Variants in NAALAD2 observed in about 807,000 individuals in gnomAD.
The protein encoded by NAALAD2 is N-acetylated-alpha-linked acidic dipeptidase 2.
NAALAD2 carries 89 observed loss-of-function variants against 95.6 expected under a neutral mutation model. That is an observed-to-expected ratio of 0.93 (90% CI 0.78 to 1.11). NAALAD2 has a LOEUF of 1.11. Ranked by LOEUF, NAALAD2 falls within the 50% of genes least tolerant of loss-of-function variation. The pLI is 0.00. For missense variants in NAALAD2, 894 were observed against 872.4 expected (o/e 1.02, Z -0.31); for synonymous variants, 264 against 294.4 (o/e 0.90, Z 1.06).
chr11:90,166,618 G>A (rs973470764), intron 11 of NAALAD2, among the ~76,000 whole-genome samples: 2 of 151,752 alleles, frequency 1.3e-5, no homozygotes, highest in Non-Finnish European at 2.9e-5. Flanking sequence ...GGCGGATCAC[G>A]AGGTCAGGAG....
chr11:90,147,569 G>A, intron 3 of NAALAD2, 53 bp downstream of exon 3: 1 of 1,466,074 alleles, frequency 6.8e-7, no homozygotes, highest in Non-Finnish European at 9.3e-7. Flanking sequence ...CGTTTTATGT[G>A]GATTGTAATG....
chr11:90,167,058 G>A (rs1952476840), intron 11 of NAALAD2, among the ~76,000 whole-genome samples: 1 of 152,202 alleles, frequency 6.6e-6, no homozygotes. Context: ...CTCGCTCTCG[G>A]CGCCTCCTCG....
chr11:90,184,638 A>C (rs1471217336), intron 18 of NAALAD2, among the ~76,000 whole-genome samples: 1 of 151,808 alleles, frequency 6.6e-6, no homozygotes, highest in East Asian at 1.9e-4. Flanking sequence ...TATTTTAAAA[A>C]CTCAGGCTCT....
chr11:90,159,076 A>G (rs1445387883), intron 7 of NAALAD2, 163 bp from the exon 8 acceptor site: 36 of 616,746 alleles, frequency 5.8e-5, no homozygotes, highest in Non-Finnish European at 9.4e-5. Flanking sequence ...CTCTCTTGCT[A>G]GAAAATAAGC....
intron 17 of NAALAD2, among the ~76,000 whole-genome samples, chr11:90,182,689 T>C (rs1159569235): frequency 3.3e-5 from 5 of 152,066 alleles, no homozygotes; most frequent in Non-Finnish European, 1.5e-5. Context: ...TGTAAAAAAA[T>C]ATAACAAACG....
chr11:90,192,279 T>C lies in NAALAD2; in HGVS notation c.*532T>C, dbSNP rs1421432593. On this transcript the variant is annotated 3_prime_UTR_variant, in exon 19 of 19. Coordinates refer to ENST00000534061, the MANE Select transcript of NAALAD2 (RefSeq NM_005467.4). The stretch of plus-strand genomic sequence containing the variant: ...GGTATCCATTACACAATAGACTACT[T>C]ACTACTCAGCAATAAAAATGAAGTA... 6.6e-6 allele frequency: 1 copy of C among 152,030 alleles called. No individual in the cohort carries two copies. The highest frequency in any genetic ancestry group is 1.5e-5 in the Non-Finnish European group (1 of 67,908). The allele number at this position is 152,030 out of a possible 1,614,324, so 9.4% of individuals were successfully genotyped here.
chr11:90,140,765 G>A (rs184210112), intron 2 of NAALAD2, among the ~76,000 whole-genome samples: 2 of 151,630 alleles, frequency 1.3e-5, no homozygotes, highest in African/African-American at 2.4e-5. Context: ...CATGCTTTTG[G>A]GTTCATATCT....
At chr11:90,159,027 C>G (rs1952204520) in intron 7 of NAALAD2, 1 of 522,202 alleles carries the variant, frequency 1.9e-6, no homozygotes, top group African/African-American at 1.9e-5. Context: ...GCTCTCATCA[C>G]TAACATATTA....
At chr11:90,154,218 T>G (rs925258218) in intron 6 of NAALAD2, among the ~76,000 whole-genome samples, 1 of 152,004 alleles carries the variant, frequency 6.6e-6, no homozygotes, top group African/African-American at 2.4e-5. Context: ...TACTTGCTTT[T>G]TATTTCTGTT....
chr11:90,180,972 A>G (rs1222764697), intron 16 of NAALAD2, among the ~76,000 whole-genome samples: 1 of 152,120 alleles, frequency 6.6e-6, no homozygotes, highest in East Asian at 1.9e-4. Flanking sequence ...TGTAGGTAAC[A>G]GGCAAATACT....
rs756449985 is a variant in NAALAD2 at position 90,149,013 on chromosome 11, A to G, written c.389A>G (p.Lys130Arg). The stretch of plus-strand genomic sequence containing the variant: ...TATTTTAATTCTTGCTAGATTTTCA[A>G]AACATCATACCTTGAACCACCACCA... ...IVDEHETEIF[K>R]TSYLEPPPDG... The change falls in exon 4 of 19, where the codon AAA becomes AGA. Residue 130 changes from lysine to arginine, a missense_variant. By Grantham distance (26) the Lys-to-Arg change is conservative. Coordinates refer to ENST00000534061, the MANE Select transcript of NAALAD2 (RefSeq NM_005467.4). 6.3e-6 allele frequency: 10 copies of G among 1,583,794 alleles called. No individual in the cohort carries two copies. The highest frequency in any genetic ancestry group is 6.9e-6 in the Non-Finnish European group (8 of 1,164,596).
rs1857366402 is a variant in NAALAD2, at chr11:90,192,665, G to A, written c.*918G>A. 6.6e-6 allele frequency: 1 copy of A among 152,124 alleles called. No individual in the cohort carries two copies. Among genetic ancestry groups the A allele is most frequent in the East Asian group, 1.9e-4 (1 of 5,192 alleles). 9.4% of individuals were successfully genotyped at this position (152,124 alleles called of 1,614,324 possible). A position where few individuals can be genotyped will look rare whatever the true frequency, so the allele number is the denominator to read the frequency against. Reference sequence around the variant, plus strand: ...TTCTCTTGTGAAATCACCATGAAGTGTGAATGGTCAGGAAAAAGCCAGTAA... The same window carrying A: ...TTCTCTTGTGAAATCACCATGAAGTATGAATGGTCAGGAAAAAGCCAGTAA... On this transcript the variant is annotated 3_prime_UTR_variant, in exon 19 of 19. Coordinates refer to ENST00000534061, the MANE Select transcript of NAALAD2 (RefSeq NM_005467.4).
At chr11:90,189,975 C>T (rs1164356941) in intron 18 of NAALAD2, among the ~76,000 whole-genome samples, 3 of 152,026 alleles carry the variant, frequency 2.0e-5, no homozygotes, top group Non-Finnish European at 4.4e-5. Context: ...GAGAACTAGA[C>T]CAGAGTTTGA....
chr11:90,172,068 T>C (rs507850), intron 13 of NAALAD2, among the ~76,000 whole-genome samples: 146,924 of 152,262 alleles, frequency 0.96, 70,950 homozygotes, highest in East Asian at 1. Flanking sequence ...ATTGGCACTA[T>C]TATGGAGACA....
intron 12 of NAALAD2, 142 bp downstream of exon 12, chr11:90,169,134 T>G: frequency 1.8e-6 from 1 of 547,966 alleles, no homozygotes; most frequent in Non-Finnish European, 3.2e-6. Context: ...TCCTTTGAGA[T>G]GCCTCAGTAA....
intron 14 of NAALAD2, among the ~76,000 whole-genome samples, chr11:90,175,768 T>C (rs1289831807): frequency 2.0e-5 from 3 of 152,188 alleles, no homozygotes; most frequent in African/African-American, 7.2e-5. Context: ...TTTTCAGCAT[T>C]ACTTTTAATT....
At chr11:90,158,279 A>C (rs1399715181) in intron 7 of NAALAD2, 41 bp downstream of exon 7, 1 of 1,441,524 alleles carries the variant, frequency 6.9e-7, no homozygotes, top group Non-Finnish European at 9.7e-7. Context: ...GATATTTTGC[A>C]CTAGTTGTCT....
In NAALAD2 at chr11:90,147,251, T is replaced by C; in HGVS notation, c.195-79T>C. Reference sequence around the variant, plus strand: ...GACAACTTAATGCCCAATGCATAAGTAGTGCATTTAGAATAGTTCTTAGGC... The same window carrying C: ...GACAACTTAATGCCCAATGCATAAGCAGTGCATTTAGAATAGTTCTTAGGC... On this transcript the variant is annotated intron_variant, in intron 2 of 18. Coordinates refer to ENST00000534061, the MANE Select transcript of NAALAD2 (RefSeq NM_005467.4). The C allele has an allele frequency of 2.8e-6, 3 of 1,084,382 alleles. No homozygotes were observed. In the South Asian group the frequency reaches 4.5e-5, roughly 16 times the overall value. The allele number at this position is 1,084,382 out of a possible 1,614,324, so 67.2% of individuals were successfully genotyped here.
chr11:90,191,015 G>A (rs1857307978), intron 18 of NAALAD2, among the ~76,000 whole-genome samples: 1 of 152,094 alleles, frequency 6.6e-6, no homozygotes, highest in African/African-American at 2.4e-5. Flanking sequence ...AAAGTTGAGT[G>A]TCTTTGCGGG....
Sources: gnomAD v4.1 joint callset for allele counts (sites outside exome capture counted in the v4.1 genomes callset) on GRCh38, gnomAD v4.1.1 for gene constraint, MANE v1.5 for transcripts, NCBI Gene and HGNC (gene_info 2026-07-23, HGNC 2026-07-21) for gene names.